The following ITGA2 variants were observed in gnomAD, a reference collection of about 807,000 sequenced individuals.
The protein encoded by ITGA2 is integrin alpha-2.
In ITGA2, 101 loss-of-function variants were observed where a neutral mutation model predicts 146.3. The ratio of observed to expected loss-of-function variants is 0.69; its 90% CI spans 0.59 to 0.81. The LOEUF (loss-of-function observed/expected upper bound fraction) is 0.81, where lower values mean the gene tolerates loss of function less well. Ranked by LOEUF, ITGA2 falls within the 40% of genes least tolerant of loss-of-function variation. The pLI, the probability that ITGA2 is intolerant of heterozygous loss-of-function variation, is 0.00. For missense variants in ITGA2, 1,281 were observed against 1,402.7 expected, an observed-to-expected ratio of 0.91 and a Z score of 1.39; for synonymous variants, 477 against 487.1, an observed-to-expected ratio of 0.98 and a Z score of 0.27.
intron 10 of ITGA2, 128 bp from the exon 11 acceptor site, chr5:53,059,744 AAT>A: frequency 1.1e-6 from 1 of 895,142 alleles, no homozygotes; most frequent in Non-Finnish European, 1.8e-6. Flanking sequence ...ACAATATGTC[AAT>A]ATATGTTCAT....
chr5:53,027,225 T>A (rs1353698297), intron 2 of ITGA2, among the ~76,000 whole-genome samples: 1 of 152,258 alleles, frequency 6.6e-6, no homozygotes, highest in African/African-American at 2.4e-5. Context: ...AATCATTACC[T>A]AGTTATTAAT....
Position 53,089,348 on chromosome 5 carries a change from CAT to C in ITGA2, c.3349-597_3349-596del, listed in dbSNP as rs534775927. The C allele has an allele frequency of 6.3e-3, 966 of 152,958 alleles. 14 individuals are homozygous for C. Among genetic ancestry groups the C allele is most frequent in the African/African-American group, 0.022 (931 of 41,546 alleles). The allele number at this position is 152,958 out of a possible 1,614,324, so 9.5% of individuals were successfully genotyped here. ...TTTTACTGTTAACACTCAGGGCAGCCATTCCATTACAGCATCTCAAAGATTGC... is the reference window on the plus strand; with the variant it reads ...TTTTACTGTTAACACTCAGGGCAGCCTCCATTACAGCATCTCAAAGATTGC... On this transcript the variant is annotated intron_variant, in intron 28 of 29. Transcript: ENST00000296585.
At chr5:52,992,547 C>T (rs183755644) in intron 1 of ITGA2, among the ~76,000 whole-genome samples, 108 of 152,314 alleles carry the variant, frequency 7.1e-4, no homozygotes, top group African/African-American at 2.5e-3. Flanking sequence ...AACATGAAAG[C>T]CAGGAATTTG....
At position 53,092,666 on chromosome 5, in the gene ITGA2, G is replaced by C. The variant is rs950556560; in HGVS notation, c.*2067G>C. The stretch of plus-strand genomic sequence containing the variant: ...GACTGGAGAAACTAGTCATTAGCTT[G>C]ATAAAGAATATTTAACAGCTAGTGG... On this transcript the variant is annotated 3_prime_UTR_variant, in exon 30 of 30. Coordinates refer to ENST00000296585, the MANE Select transcript of ITGA2 (RefSeq NM_002203.4). The C allele has an allele frequency of 1.3e-5, 2 of 151,394 alleles. No individual in the cohort carries two copies. The highest frequency in any genetic ancestry group is 6.6e-5 in the Admixed American group (1 of 15,194). 9.4% of individuals were successfully genotyped at this position (151,394 alleles called of 1,614,324 possible). A position where few individuals can be genotyped will look rare whatever the true frequency, so the allele number is the denominator to read the frequency against.
In ITGA2 at chr5:53,046,573, C is replaced by T. The variant is rs185759121; in HGVS notation, c.387+1481C>T. Among the ~76,000 whole-genome samples, 183 of 151,608 alleles carry T rather than the reference C, an allele frequency of 1.2e-3. 1 individual carries two copies. The South Asian group carries it at 0.027, about 22-fold the overall frequency. On this transcript the variant is annotated intron_variant, in intron 4 of 29. Coordinates refer to ENST00000296585, the MANE Select transcript of ITGA2 (RefSeq NM_002203.4). ...AGAACATACTGATATTTAGAGATTA[C>T]AGAATGTGCCTCAAAATTTTTAATC...
Position 53,059,900 on chromosome 5 carries a change from A to G in ITGA2, c.1200A>G (p.Gly400=). ...QNDILMLGAV[G]AFGWSGTIVQ... ...ATATTCTGATGCTGGGTGCAGTGGG[A>G]GCTTTTGGCTGGAGTGGGACCATTG... Residue 400 remains glycine (G), a synonymous_variant, in exon 11 of 30, where the codon GGA becomes GGG. Coordinates refer to ENST00000296585, the MANE Select transcript of ITGA2 (RefSeq NM_002203.4). 1 of 1,612,154 alleles carries G rather than the reference A, an allele frequency of 6.2e-7. No homozygotes were observed. Among genetic ancestry groups the G allele is most frequent in the Non-Finnish European group, 8.5e-7 (1 of 1,178,892 alleles).
chr5:52,997,376 C>G (rs1238724338), intron 1 of ITGA2, among the ~76,000 whole-genome samples: 1 of 152,086 alleles, frequency 6.6e-6, no homozygotes. Context: ...ATATATAACT[C>G]CTGACCACTG....
At chr5:53,060,359 C>A (rs1214083639) in intron 11 of ITGA2, among the ~76,000 whole-genome samples, 1 of 151,884 alleles carries the variant, frequency 6.6e-6, no homozygotes, top group Non-Finnish European at 1.5e-5. Flanking sequence ...TAATAAGCAG[C>A]CACTGATTTT....
intron 11 of ITGA2, among the ~76,000 whole-genome samples, chr5:53,060,591 A>G (rs1442134144): frequency 6.6e-6 from 1 of 151,912 alleles, no homozygotes; most frequent in Non-Finnish European, 1.5e-5. Context: ...TTTTAAATAC[A>G]TTTATTCATT....
intron 1 of ITGA2, among the ~76,000 whole-genome samples, chr5:53,004,860 C>CAAAA (rs1370177356): frequency 1.4e-5 from 2 of 140,302 alleles, no homozygotes; most frequent in African/African-American, 5.4e-5. Flanking sequence ...TGGTCATTTC[C>CAAAA]AAAAGGCCTA....
chr5:53,073,587 C>T (rs964279916), intron 20 of ITGA2, among the ~76,000 whole-genome samples: 2 of 151,780 alleles, frequency 1.3e-5, no homozygotes, highest in African/African-American at 4.8e-5. Context: ...CATTTGAGTC[C>T]CAAAGCTTAG....
chr5:53,022,732 A>G (rs746358788), intron 1 of ITGA2, among the ~76,000 whole-genome samples: 8 of 151,980 alleles, frequency 5.3e-5, no homozygotes, highest in Non-Finnish European at 7.4e-5. Context: ...ATGCCCACCT[A>G]ATTGTCTATT....
At chr5:53,013,797 A>G (rs1361039624) in intron 1 of ITGA2, among the ~76,000 whole-genome samples, 1 of 151,766 alleles carries the variant, frequency 6.6e-6, no homozygotes, top group Non-Finnish European at 1.5e-5. Flanking sequence ...GTGTTTTATC[A>G]GTCTCTGTAG....
chr5:53,024,275 T>A (rs1742828453), intron 1 of ITGA2, among the ~76,000 whole-genome samples: 2 of 152,094 alleles, frequency 1.3e-5, no homozygotes, highest in South Asian at 4.1e-4. Flanking sequence ...AACAGTAAGA[T>A]GCGAGTTGGA....
In ITGA2 at chr5:53,080,542, C is replaced by A; in HGVS notation, c.2960C>A (p.Ala987Glu). The part of the protein sequence containing the change: ...VTTGSVPVSM[A>E]TVIIHIPQYT... The stretch of plus-strand genomic sequence containing the variant: ...ACAGGAAGTGTTCCAGTAAGCATGG[C>A]AACTGTAATCATCCACATCCCTCAG... Residue 987 changes from alanine (A) to glutamate (E), a missense_variant, in exon 25 of 30, where the codon GCA becomes GAA. Coordinates refer to ENST00000296585, the MANE Select transcript of ITGA2 (RefSeq NM_002203.4). 6.2e-7 allele frequency: 1 copy of A among 1,613,576 alleles called. No homozygotes were observed. Among genetic ancestry groups the A allele is most frequent in the South Asian group, 1.1e-5 (1 of 91,070 alleles).
At chr5:52,994,654 T>C (rs1741143600) in intron 1 of ITGA2, among the ~76,000 whole-genome samples, 1 of 152,192 alleles carries the variant, frequency 6.6e-6, no homozygotes. Flanking sequence ...TGGAAAGAAA[T>C]GGACTTTGAT....
At chr5:53,025,714 AG>A (rs1742910246) in intron 1 of ITGA2, among the ~76,000 whole-genome samples, 1 of 152,244 alleles carries the variant, frequency 6.6e-6, no homozygotes, top group Non-Finnish European at 1.5e-5. Flanking sequence ...TCTTTGTGAA[AG>A]CACATGTTAA....
At chr5:53,045,805 CA>C (rs1028226874) in intron 4 of ITGA2, among the ~76,000 whole-genome samples, 1 of 150,240 alleles carries the variant, frequency 6.7e-6, no homozygotes, top group Admixed American at 6.6e-5. Context: ...CATCACACAC[CA>C]AAAAAAAAGT....
At chr5:53,012,116 A>G (rs1307251583) in intron 1 of ITGA2, among the ~76,000 whole-genome samples, 1 of 152,204 alleles carries the variant, frequency 6.6e-6, no homozygotes, top group Non-Finnish European at 1.5e-5. Context: ...ACCACAGACT[A>G]GAGTGGAGAT....
Sources: allele counts gnomAD v4.1 joint callset (sites outside exome capture counted in the v4.1 genomes callset), GRCh38; gene constraint gnomAD v4.1.1; transcripts MANE v1.5; gene names NCBI Gene and HGNC (gene_info 2026-07-23, HGNC 2026-07-21).